Variants in PTPRD observed in about 807,000 individuals in gnomAD.
PTPRD encodes protein tyrosine phosphatase receptor type D.
PTPRD carries 34 observed loss-of-function variants against 214.5 expected under a neutral mutation model. The ratio of observed to expected loss-of-function variants is 0.16; its 90% confidence interval spans 0.12 to 0.21. PTPRD has a LOEUF of 0.21. Ranked by LOEUF, PTPRD falls within the 10% of genes least tolerant of loss-of-function variation. The pLI, the probability that PTPRD is intolerant of heterozygous loss-of-function variation, is 1.00. For missense variants in PTPRD, 2,545 were observed against 2,398.7 expected, an observed-to-expected ratio of 1.06 and a Z score of -1.27; for synonymous variants, 1,128 against 845.7, an observed-to-expected ratio of 1.33 and a Z score of -5.79.
intron 7 of PTPRD, among the ~76,000 whole-genome samples, chr9:9,710,271 A>G (rs2097700596): frequency 6.6e-6 from 1 of 152,084 alleles, no homozygotes; most frequent in Non-Finnish European, 1.5e-5. Context: ...TTATTTGGCT[A>G]ATTTACATAG....
chr9:9,264,231 G>C (rs1205441393), intron 9 of PTPRD, among the ~76,000 whole-genome samples: 1 of 151,574 alleles, frequency 6.6e-6, no homozygotes, highest in African/African-American at 2.4e-5. Flanking sequence ...TCTATGAACT[G>C]CTCAACAATT....
At chr9:9,976,503 T>G (rs2095357162) in intron 4 of PTPRD, among the ~76,000 whole-genome samples, 1 of 151,518 alleles carries the variant, frequency 6.6e-6, no homozygotes, top group Non-Finnish European at 1.5e-5. Context: ...TCTTACACCT[T>G]AGCCTCCCAA....
At chr9:8,978,272 C>T (rs75225643) in intron 11 of PTPRD, among the ~76,000 whole-genome samples, 5,224 of 152,204 alleles carry the variant, frequency 0.034, 154 homozygotes, top group African/African-American at 0.074. Context: ...GGACAACATT[C>T]TTCATCGCCA....
At chr9:9,368,123 T>A (rs2058392115) in intron 9 of PTPRD, among the ~76,000 whole-genome samples, 1 of 151,818 alleles carries the variant, frequency 6.6e-6, no homozygotes, top group South Asian at 2.1e-4. Flanking sequence ...AAATTTGATT[T>A]TAAGTATGTC....
chr9:9,049,663 T>C (rs977543161), intron 10 of PTPRD, among the ~76,000 whole-genome samples: 1 of 151,968 alleles, frequency 6.6e-6, no homozygotes, highest in Non-Finnish European at 1.5e-5. Flanking sequence ...GTGTAGAGGT[T>C]GTGGGGTTTT....
At chr9:9,662,411 C>A (rs1418446246) in intron 7 of PTPRD, among the ~76,000 whole-genome samples, 1 of 151,606 alleles carries the variant, frequency 6.6e-6, no homozygotes, top group South Asian at 2.1e-4. Context: ...ACTGCTATAA[C>A]AGCAAGACGC....
rs139881347 is a variant in PTPRD, at chr9:8,840,508, A to G, written c.-103-106562T>C. On this transcript the variant is annotated intron_variant, in intron 11 of 45. Transcript: ENST00000381196. ...ATTACCCAGTTTGGGGTATGTCTTT[A>G]TTAGCAGTGTGAAAGCGGACTAATA... Among the ~76,000 whole-genome samples, 1,519 of 152,306 alleles carry G rather than the reference A, an allele frequency of 1.0e-2. 26 individuals carry two copies. The highest frequency in any genetic ancestry group is 0.035 in the African/African-American group (1,447 of 41,566).
intron 11 of PTPRD, among the ~76,000 whole-genome samples, chr9:8,784,495 C>A (rs1431162261): frequency 1.3e-5 from 2 of 152,200 alleles, no homozygotes; most frequent in Non-Finnish European, 2.9e-5. Flanking sequence ...AGAAGCCACC[C>A]AGAGAACCTG....
intron 10 of PTPRD, among the ~76,000 whole-genome samples, chr9:9,108,615 G>C (rs1169895765): frequency 6.6e-6 from 1 of 152,012 alleles, no homozygotes; most frequent in South Asian, 2.1e-4. Flanking sequence ...CGAAGCAATG[G>C]AAAAAAACAG....
At chr9:10,415,591 C>T (rs1379607151) in intron 2 of PTPRD, among the ~76,000 whole-genome samples, 1 of 151,818 alleles carries the variant, frequency 6.6e-6, no homozygotes, top group Admixed American at 6.6e-5. Flanking sequence ...GAAAACACTC[C>T]TAGAGCTAGG....
At chr9:10,337,810 A>G (rs887516194) in intron 3 of PTPRD, among the ~76,000 whole-genome samples, 2 of 151,702 alleles carry the variant, frequency 1.3e-5, no homozygotes, top group Admixed American at 1.3e-4. Flanking sequence ...TCAAGATTAT[A>G]CAAATAGCAA....
chr9:8,654,925 C>A (rs2096880634), intron 12 of PTPRD, among the ~76,000 whole-genome samples: 1 of 151,998 alleles, frequency 6.6e-6, no homozygotes, highest in Admixed American at 6.5e-5. Flanking sequence ...TTAGACTTTC[C>A]CTGTAGCATC....
At chr9:9,540,295 T>C (rs1412394897) in intron 8 of PTPRD, among the ~76,000 whole-genome samples, 1 of 151,794 alleles carries the variant, frequency 6.6e-6, no homozygotes, top group Non-Finnish European at 1.5e-5. Context: ...AGGGTACTAT[T>C]CTTTGTGCTA....
chr9:8,757,368 C>A (rs1010992621), intron 11 of PTPRD, among the ~76,000 whole-genome samples: 1 of 151,830 alleles, frequency 6.6e-6, no homozygotes, highest in Non-Finnish European at 1.5e-5. Context: ...GAGTAAAAAG[C>A]GTATCAATAA....
chr9:10,245,697 T>C (rs552116176), intron 3 of PTPRD, among the ~76,000 whole-genome samples: 9 of 152,284 alleles, frequency 5.9e-5, no homozygotes, highest in Admixed American at 2.0e-4. Flanking sequence ...AAAGAAACTG[T>C]CCTTCTACTG....
chr9:8,458,364 G>T (rs978239238), intron 33 of PTPRD, among the ~76,000 whole-genome samples: 3 of 152,032 alleles, frequency 2.0e-5, no homozygotes, highest in African/African-American at 7.2e-5. Flanking sequence ...TACATCTGTT[G>T]CTTGGTATGA....
intron 10 of PTPRD, among the ~76,000 whole-genome samples, chr9:9,092,488 G>A (rs951938198): frequency 2.0e-5 from 3 of 152,026 alleles, no homozygotes; most frequent in Non-Finnish European, 4.4e-5. Context: ...CAAGGGAAGT[G>A]TATTCATAAA....
chr9:9,784,433 A>G (rs1044662720), intron 5 of PTPRD, among the ~76,000 whole-genome samples: 2 of 152,100 alleles, frequency 1.3e-5, no homozygotes, highest in Non-Finnish European at 2.9e-5. Context: ...ATACTGAAGG[A>G]AAAAGATATT....
intron 9 of PTPRD, among the ~76,000 whole-genome samples, chr9:9,273,141 A>G (rs1337996631): frequency 6.6e-6 from 1 of 151,298 alleles, no homozygotes; most frequent in Non-Finnish European, 1.5e-5. Flanking sequence ...TTGTTAAGTG[A>G]CCATGCTTAT....
Sources: allele counts gnomAD v4.1 joint callset (sites outside exome capture counted in the v4.1 genomes callset), GRCh38; gene constraint gnomAD v4.1.1; transcripts MANE v1.5; gene names NCBI Gene and HGNC (gene_info 2026-07-23, HGNC 2026-07-21).